BRAP: variants seen among roughly 807,000 people sequenced by gnomAD.
BRAP encodes BRCA1-associated protein.
BRAP carries 42 observed loss-of-function variants against 73.4 expected under a neutral mutation model. That is an observed-to-expected ratio of 0.57 (90% CI 0.45 to 0.74). The LOEUF is 0.74. BRAP is among the 30% of genes least tolerant of loss of function. The pLI, the probability that BRAP is intolerant of heterozygous loss-of-function variation, is 0.00. For synonymous variants in BRAP, 255 were observed against 267.4 expected (o/e 0.95, Z 0.45); for missense variants, 593 against 751.4 (o/e 0.79, Z 2.46).
At chr12:111,678,336 G>A (rs577155570) in intron 4 of BRAP, among the ~76,000 whole-genome samples, 35 of 150,894 alleles carry the variant, frequency 2.3e-4, no homozygotes, top group Middle Eastern at 7.0e-3. Context: ...GGGAACCACC[G>A]CTTTTCTGGA....
chr12:111,655,781 G>A (rs1325228888), intron 9 of BRAP, 126 bp from the exon 10 acceptor site: 10 of 731,122 alleles, frequency 1.4e-5, no homozygotes, highest in South Asian at 8.3e-5. Context: ...GTATATTTAC[G>A]CCCTGGTTCT....
chr12:111,652,330 T>C (rs1240306766), intron 10 of BRAP, among the ~76,000 whole-genome samples: 1 of 151,934 alleles, frequency 6.6e-6, no homozygotes. Context: ...TTCATGCCAT[T>C]CTCCTGCCTC....
chr12:111,644,325 G>A lies in BRAP; in HGVS notation c.1653C>T (p.Ala551=), dbSNP rs772430535. The part of the protein sequence containing the change: ...ETQQKINHLP[A]ETRQEIQEGQ... ...CCTCCTGGATTTCCTGCCGGGTCTCGGCAGGCAGATGGTTGATCTTCTGCT... is the reference window on the plus strand; with the variant it reads ...CCTCCTGGATTTCCTGCCGGGTCTCAGCAGGCAGATGGTTGATCTTCTGCT... Residue 551 remains alanine (A), a synonymous_variant, in exon 12 of 12, where the codon GCC becomes GCT. Coordinates refer to ENST00000419234, the MANE Select transcript of BRAP (RefSeq NM_006768.5). The A allele has an allele frequency of 5.8e-5, 94 of 1,613,894 alleles. No individual in the cohort carries two copies. The highest frequency in any genetic ancestry group is 7.5e-5 in the Non-Finnish European group (89 of 1,180,032).
At position 111,644,438 on chromosome 12, in the gene BRAP, C is replaced by T. The variant is rs779071140; in HGVS notation, c.1540G>A (p.Val514Met). 6.8e-6 allele frequency: 11 copies of T among 1,613,994 alleles called. No individual in the cohort carries two copies. The highest frequency in any genetic ancestry group is 8.5e-6 in the Non-Finnish European group (10 of 1,180,032). Residue 514 changes from valine (V) to methionine (M), a missense_variant, in exon 12 of 12, where the codon GTG becomes ATG. Coordinates refer to ENST00000419234, the MANE Select transcript of BRAP (RefSeq NM_006768.5). Reference protein sequence around the residue: ...LQNKLKEEERVLKETCDQKDL... With the variant: ...LQNKLKEEERMLKETCDQKDL... ...TTTTGGTCACAGGTCTCCTTCAGCA[C>T]CCTCTCCTCCTCTTTTAGCTTGTTC...
chr12:111,648,901 G>A (rs1232532901), intron 11 of BRAP, among the ~76,000 whole-genome samples: 2 of 151,950 alleles, frequency 1.3e-5, no homozygotes, highest in African/African-American at 4.8e-5. Flanking sequence ...ACTCCAGCCT[G>A]GGCAACAGAG....
Position 111,644,160 on chromosome 12 carries a change from C to A in BRAP, c.*39G>T. ...AGGTCCCAGCACACTCTCACAGTGT[C>A]AGGGAGAACAGTCTCAGGGATGTCT... On this transcript the variant is annotated 3_prime_UTR_variant, in exon 12 of 12. Coordinates refer to ENST00000419234, the MANE Select transcript of BRAP (RefSeq NM_006768.5). 6.3e-7 allele frequency: 1 copy of A among 1,582,920 alleles called. No individual in the cohort carries two copies. The highest frequency in any genetic ancestry group is 1.1e-5 in the South Asian group (1 of 87,988).
intron 3 of BRAP, 75 bp downstream of exon 3, chr12:111,681,562 A>G: frequency 1.6e-6 from 2 of 1,260,480 alleles, no homozygotes; most frequent in Non-Finnish European, 2.2e-6. Flanking sequence ...CTTCAGGACA[A>G]GAGACTATGC....
intron 10 of BRAP, among the ~76,000 whole-genome samples, chr12:111,650,622 T>C (rs545801483): frequency 1.3e-5 from 2 of 152,262 alleles, no homozygotes; most frequent in South Asian, 2.1e-4. Context: ...CTCAAACTCC[T>C]GACCTCAAGT....
Position 111,660,627 on chromosome 12 carries a change from A to T in BRAP, c.945T>A (p.Asn315Lys), listed in dbSNP as rs1205210481. The stretch of plus-strand genomic sequence containing the variant: ...CCTGAACACCACACTCAAAACACTT[A>T]TTTTCTTCTACTGGCTCGGGCGTTT... ...YCQTPEPVEE[N>K]KCFECGVQEN... is the part of the protein sequence containing the mutation. Residue 315 changes from asparagine to lysine, a missense_variant, in exon 7 of 12, where the codon AAT (asparagine) becomes AAA (lysine). Asn to Lys is a moderately conservative substitution (Grantham distance 94, BLOSUM62 0). Transcript: ENST00000419234. 8 of 1,606,956 alleles carry T rather than the reference A, an allele frequency of 5.0e-6. No homozygotes were observed. The highest frequency in any genetic ancestry group is 6.8e-6 in the Non-Finnish European group (8 of 1,176,470).
intron 11 of BRAP, among the ~76,000 whole-genome samples, chr12:111,647,915 A>G (rs1788931615): frequency 6.6e-6 from 1 of 151,926 alleles, no homozygotes; most frequent in Non-Finnish European, 1.5e-5. Flanking sequence ...AAAAAGAAAA[A>G]AAAATTAGCC....
intron 5 of BRAP, among the ~76,000 whole-genome samples, chr12:111,668,963 C>A (rs780390313): frequency 1.7e-4 from 26 of 152,022 alleles, no homozygotes; most frequent in Non-Finnish European, 2.1e-4. Context: ...AAAAAAAATT[C>A]TTTTAAGAGC....
chr12:111,685,509 G>A (rs1887785735), intron 1 of BRAP: 6 of 1,252,508 alleles, frequency 4.8e-6, no homozygotes, highest in South Asian at 1.9e-5. Flanking sequence ...AGGGAGGGAG[G>A]TTCGGGGCAG....
chr12:111,650,408 G>A (rs1440495077), intron 10 of BRAP, among the ~76,000 whole-genome samples: 1 of 152,180 alleles, frequency 6.6e-6, no homozygotes, highest in Non-Finnish European at 1.5e-5. Context: ...TGGGACTACA[G>A]GTGCCTGCCA....
At chr12:111,668,441 C>T (rs1592986528) in intron 5 of BRAP, among the ~76,000 whole-genome samples, 1 of 151,516 alleles carries the variant, frequency 6.6e-6, no homozygotes, top group Middle Eastern at 3.4e-3. Context: ...TTAAAAGAAA[C>T]AGCTTCCTTA....
chr12:111,665,556 G>A lies in BRAP; in HGVS notation c.896+83C>T, dbSNP rs1886905997. The stretch of plus-strand genomic sequence containing the variant: ...TGAATAAAGTCAAATACTTGGAATG[G>A]TTCATTTCTGCTGGTGGCTCTTTTT... On this transcript the variant is annotated intron_variant, in intron 6 of 11. Transcript: ENST00000419234. This position sits in a 1 kb window ranked among gnomAD's most constrained non-coding sequence, Gnocchi z 4.3. The A allele has an allele frequency of 1.3e-6, 2 of 1,546,958 alleles. No homozygotes were observed. The highest frequency in any genetic ancestry group is 2.3e-5 in the East Asian group (1 of 44,114).
chr12:111,670,350 C>T, intron 5 of BRAP: 1 of 453,936 alleles, frequency 2.2e-6, no homozygotes, highest in East Asian at 5.4e-5. Flanking sequence ...GACTTTTCAG[C>T]CTTCTTCTCT....
At chr12:111,654,091 A>G (rs1448689371) in intron 10 of BRAP, among the ~76,000 whole-genome samples, 2 of 152,204 alleles carry the variant, frequency 1.3e-5, no homozygotes, top group Non-Finnish European at 2.9e-5. Context: ...GGAGCTGCCA[A>G]TGCACTTCCC....
chr12:111,660,026 A>G (rs1170298998), intron 7 of BRAP, among the ~76,000 whole-genome samples: 1 of 151,698 alleles, frequency 6.6e-6, no homozygotes, highest in African/African-American at 2.4e-5. Flanking sequence ...GTGAACTATG[A>G]TCATGCCACT....
At chr12:111,678,972 C>T (rs61941272) in intron 4 of BRAP, among the ~76,000 whole-genome samples, 179 bp downstream of exon 4, 42 of 151,116 alleles carry the variant, frequency 2.8e-4, no homozygotes, top group African/African-American at 9.2e-4. Context: ...AAAGTGTATA[C>T]GTTATAATTG....
Sources: allele counts gnomAD v4.1 joint callset (sites outside exome capture counted in the v4.1 genomes callset), GRCh38; gene constraint gnomAD v4.1.1; non-coding constraint Gnocchi (gnomAD v3.1); transcripts MANE v1.5; gene names NCBI Gene and HGNC (gene_info 2026-07-23, HGNC 2026-07-21).